The following MEF2C variants were observed in gnomAD, a reference collection of about 807,000 sequenced individuals.
MEF2C encodes the protein myocyte-specific enhancer factor 2C.
Under a neutral mutation model 50.5 loss-of-function variants are expected in MEF2C, and 6 were observed. The ratio of observed to expected loss-of-function variants is 0.12; its 90% confidence interval spans 0.07 to 0.23. MEF2C has a LOEUF of 0.23. Ranked by LOEUF, MEF2C falls within the 10% of genes least tolerant of loss-of-function variation. The probability of loss-of-function intolerance (pLI) is 1.00; values close to 1 mark genes in which losing one functional copy is unlikely to be tolerated. For synonymous variants in MEF2C, 183 were observed against 228.0 expected, an observed-to-expected ratio of 0.80 and a Z score of 1.78; for missense variants, 276 against 605.0, an observed-to-expected ratio of 0.46 and a Z score of 5.70.
chr5:88,794,008 C>T (rs994615553), intron 3 of MEF2C, among the ~76,000 whole-genome samples: 10 of 152,050 alleles, frequency 6.6e-5, no homozygotes, highest in South Asian at 2.1e-4. Flanking sequence ...TATTCCATGG[C>T]GTATATGTGC....
chr5:88,827,496 C>A (rs908826444), intron 1 of MEF2C, among the ~76,000 whole-genome samples: 1 of 151,960 alleles, frequency 6.6e-6, no homozygotes, highest in African/African-American at 2.4e-5. Context: ...GTGCTGCACA[C>A]CCCACACACA....
intron 3 of MEF2C, among the ~76,000 whole-genome samples, chr5:88,789,474 T>C (rs987374343): frequency 6.8e-6 from 1 of 147,170 alleles, no homozygotes; most frequent in African/African-American, 2.5e-5. Flanking sequence ...GCTATAACTA[T>C]TTTTTTTTTT....
At chr5:88,727,805 GA>G (rs35110879) in intron 10 of MEF2C, among the ~76,000 whole-genome samples, 73,958 of 151,732 alleles carry the variant, frequency 0.49, 19,378 homozygotes, top group Non-Finnish European at 0.58. Context: ...GAAATAGTGT[GA>G]ATTGTGAATT....
intron 9 of MEF2C, 145 bp from the exon 10 acceptor site, chr5:88,728,773 T>C: frequency 4.7e-4 from 235 of 498,710 alleles, no homozygotes; most frequent in Non-Finnish European, 7.0e-4. Flanking sequence ...GGAGGGGAGA[T>C]AAAGCATCAG....
intron 3 of MEF2C, among the ~76,000 whole-genome samples, chr5:88,798,913 C>CTGCTGGAGTT (rs1338880348): frequency 3.3e-5 from 5 of 152,188 alleles, no homozygotes; most frequent in Non-Finnish European, 5.9e-5. Flanking sequence ...TGCTGCAGGT[C>CTGCTGGAGTT]TGCTGGAGTT....
At chr5:88,901,654 T>G (rs1835663130) in intron 1 of MEF2C, among the ~76,000 whole-genome samples, 1 of 151,976 alleles carries the variant, frequency 6.6e-6, no homozygotes, top group Non-Finnish European at 1.5e-5. Flanking sequence ...TGTAAATCAA[T>G]GCTACTTTAA....
intron 4 of MEF2C, among the ~76,000 whole-genome samples, chr5:88,757,249 C>G (rs1324185747): frequency 1.3e-5 from 2 of 152,086 alleles, no homozygotes; most frequent in Non-Finnish European, 2.9e-5. Flanking sequence ...AAGGAAAAGT[C>G]CAATAAAAAA....
intron 6 of MEF2C, chr5:88,740,898 T>A: frequency 1.0e-6 from 1 of 985,390 alleles, no homozygotes; most frequent in Non-Finnish European, 1.2e-6. Context: ...ATTGACACAA[T>A]CGCTCATTCT....
intron 1 of MEF2C, among the ~76,000 whole-genome samples, chr5:88,851,851 A>G (rs1236980256): frequency 6.6e-6 from 1 of 152,180 alleles, no homozygotes; most frequent in Non-Finnish European, 1.5e-5. Flanking sequence ...CAAAGAGATT[A>G]AAGTATTCTA....
At chr5:88,750,837 G>A (rs1372325446) in intron 5 of MEF2C, among the ~76,000 whole-genome samples, 1 of 152,076 alleles carries the variant, frequency 6.6e-6, no homozygotes, top group Non-Finnish European at 1.5e-5. Flanking sequence ...TAATTGTAAG[G>A]CAGATATATA....
rs1318874543 is a variant in MEF2C, at chr5:88,772,589, T to G, written c.259-11261A>C. On this transcript the variant is annotated intron_variant, in intron 3 of 10. Transcript: ENST00000504921. ...ACTGCAAGTTATTTCTATTCTTCAA[T>G]TTCTTAAATAGCAGGCAGAGAGATT... 7 of 330,480 alleles carry G rather than the reference T, an allele frequency of 2.1e-5. No individual in the cohort carries two copies. In the Admixed American group the frequency reaches 4.5e-4, roughly 21 times the overall value. 20.5% of individuals were successfully genotyped at this position (330,480 alleles called of 1,614,324 possible).
intron 2 of MEF2C, 74 bp downstream of exon 2, chr5:88,823,661 T>C: frequency 1.5e-6 from 2 of 1,364,296 alleles, no homozygotes; most frequent in Non-Finnish European, 2.0e-6. Flanking sequence ...TTCAAGATAT[T>C]TTCTGTACCC....
intron 3 of MEF2C, chr5:88,771,440 C>T (rs546824804): frequency 1.4e-5 from 14 of 985,288 alleles, no homozygotes; most frequent in East Asian, 1.1e-4. Context: ...TTTTTCCTAA[C>T]GCTTGTAGAA....
intron 10 of MEF2C, among the ~76,000 whole-genome samples, chr5:88,723,612 T>C (rs1049362747): frequency 2.0e-5 from 3 of 152,252 alleles, no homozygotes; most frequent in Non-Finnish European, 4.4e-5. Flanking sequence ...TCTACTCCAT[T>C]AAAACTGATA....
chr5:88,791,619 GTAAAT>G (rs897691620), intron 3 of MEF2C, among the ~76,000 whole-genome samples: 13 of 152,112 alleles, frequency 8.5e-5, no homozygotes, highest in Admixed American at 7.9e-4. Flanking sequence ...TATAAAACAT[GTAAAT>G]TAAGCAAGAA....
chr5:88,845,730 C>T (rs1416153564), intron 1 of MEF2C, among the ~76,000 whole-genome samples: 1 of 152,032 alleles, frequency 6.6e-6, no homozygotes, highest in East Asian at 1.9e-4. Flanking sequence ...ATGGTAATAA[C>T]ACTAACTTAT....
Position 88,900,506 on chromosome 5 carries a change from A to G in MEF2C, c.-240+3410T>C, listed in dbSNP as rs913042573. ...ATAATTTTTTTATTTCTGCTATTTC[A>G]TATACATTCATAAATATTTCCAGTT... On this transcript the variant is annotated intron_variant, in intron 1 of 11. Coordinates refer to the MEF2C transcript ENST00000340208. Among the ~76,000 whole-genome samples, 25 of 151,818 alleles carry G rather than the reference A, an allele frequency of 1.6e-4. No individual in the cohort carries two copies. In the East Asian group the frequency reaches 4.1e-3, roughly 25 times the overall value.
intron 1 of MEF2C, among the ~76,000 whole-genome samples, chr5:88,849,653 G>A (rs138624871): frequency 2.5e-3 from 382 of 152,058 alleles, no homozygotes; most frequent in African/African-American, 8.5e-3. Flanking sequence ...ATTATCTATC[G>A]TTAATCAATA....
intron 3 of MEF2C, among the ~76,000 whole-genome samples, chr5:88,774,524 G>A (rs987803631): frequency 1.1e-4 from 17 of 151,948 alleles, no homozygotes; most frequent in Admixed American, 9.2e-4. Flanking sequence ...GGGTTTCACC[G>A]TGTTAGCCAG....
Sources: allele counts gnomAD v4.1 joint callset (sites outside exome capture counted in the v4.1 genomes callset), GRCh38; gene constraint gnomAD v4.1.1; transcripts MANE v1.5; gene names NCBI Gene and HGNC (gene_info 2026-07-23, HGNC 2026-07-21).